TRDN: variants seen among roughly 807,000 people sequenced by gnomAD.
The protein encoded by TRDN is triadin, also known as triadin in skeletal muscle.
In TRDN, 161 loss-of-function variants were observed where a neutral mutation model predicts 149.7. That is an observed-to-expected ratio of 1.08 (90% CI 0.95 to 1.23). TRDN has a LOEUF of 1.23. Ranked by LOEUF, TRDN falls within the 50% of genes most tolerant of loss-of-function variation. The pLI, the probability that TRDN is intolerant of heterozygous loss-of-function variation, is 0.00. For missense variants in TRDN, 896 were observed against 823.5 expected (o/e 1.09, Z -1.08); for synonymous variants, 294 against 250.5 (o/e 1.17, Z -1.64).
chr6:123,232,847 T>C (rs59428938), intron 38 of TRDN, among the ~76,000 whole-genome samples: 8,070 of 152,114 alleles, frequency 0.053, 636 homozygotes, highest in African/African-American at 0.18. Flanking sequence ...TCCAGTCTGC[T>C]CTATATGCTC....
chr6:123,327,964 A>G (rs2114720349), intron 23 of TRDN, among the ~76,000 whole-genome samples: 1 of 152,324 alleles, frequency 6.6e-6, no homozygotes, highest in African/African-American at 2.4e-5. Context: ...ATTCATGCAC[A>G]TTGATTTTTG....
chr6:123,566,155 T>G (rs1302896964), intron 2 of TRDN, among the ~76,000 whole-genome samples: 1 of 152,192 alleles, frequency 6.6e-6, no homozygotes, highest in African/African-American at 2.4e-5. Flanking sequence ...AAGTAAGAAG[T>G]GTGGTGTAGG....
At chr6:123,423,324 C>A (rs189321993) in intron 12 of TRDN, among the ~76,000 whole-genome samples, 5 of 152,088 alleles carry the variant, frequency 3.3e-5, no homozygotes, top group Non-Finnish European at 7.4e-5. Context: ...CAAGTAAATG[C>A]TGAATTGACA....
rs1403481175 is a variant in TRDN, at chr6:123,308,423, C to T, written c.1510+8034G>A. 3.3e-5 allele frequency among the ~76,000 whole-genome samples: 5 copies of T among 150,438 alleles called. No homozygotes were observed. In the East Asian group the frequency reaches 9.8e-4, roughly 29 times the overall value. Reference sequence around the variant, plus strand: ...TTGAATGGTAGTTCTGTTTCAAGTTCTTTCAGAAATTTCTAAACTAGTTTC... The same window carrying T: ...TTGAATGGTAGTTCTGTTTCAAGTTTTTTCAGAAATTTCTAAACTAGTTTC... On this transcript the variant is annotated intron_variant, in intron 24 of 40. Coordinates refer to ENST00000334268, the MANE Select transcript of TRDN (RefSeq NM_006073.4).
intron 10 of TRDN, among the ~76,000 whole-genome samples, chr6:123,452,035 C>A (rs995169599): frequency 6.6e-6 from 1 of 152,022 alleles, no homozygotes; most frequent in African/African-American, 2.4e-5. Context: ...AAGCATGAGA[C>A]AAAATCCAGC....
intron 20 of TRDN, among the ~76,000 whole-genome samples, chr6:123,361,239 T>C (rs1189390720): frequency 4.6e-5 from 7 of 152,128 alleles, no homozygotes; most frequent in African/African-American, 1.7e-4. Context: ...TGCAGGGACA[T>C]GGATGAAAGT....
chr6:123,313,342 G>A (rs780815211), intron 24 of TRDN, among the ~76,000 whole-genome samples: 1 of 151,946 alleles, frequency 6.6e-6, no homozygotes, highest in Non-Finnish European at 1.5e-5. Context: ...AGGTGATATA[G>A]TCATTTTAAG....
intron 12 of TRDN, among the ~76,000 whole-genome samples, chr6:123,429,988 G>A (rs1036349654): frequency 1.3e-5 from 2 of 152,094 alleles, no homozygotes; most frequent in Non-Finnish European, 2.9e-5. Context: ...GATAATACAA[G>A]GCTGGGTGCA....
intron 24 of TRDN, among the ~76,000 whole-genome samples, chr6:123,282,421 C>G (rs977433702): frequency 6.6e-6 from 1 of 151,878 alleles, no homozygotes; most frequent in Non-Finnish European, 1.5e-5. Context: ...AATAATCTTT[C>G]TGATCCACAT....
chr6:123,508,364 A>G (rs1779023253), intron 7 of TRDN, among the ~76,000 whole-genome samples: 1 of 152,152 alleles, frequency 6.6e-6, no homozygotes, highest in African/African-American at 2.4e-5. Flanking sequence ...TGATACAAAA[A>G]CTGTATTTTA....
chr6:123,609,736 AGCCTATGGGCT>A (rs1439150763), intron 1 of TRDN, among the ~76,000 whole-genome samples: 4 of 152,162 alleles, frequency 2.6e-5, no homozygotes, highest in African/African-American at 9.6e-5. Flanking sequence ...TTTTGTCCCT[AGCCTATGGGCT>A]GGTATCCTAC....
intron 2 of TRDN, among the ~76,000 whole-genome samples, chr6:123,564,316 A>G (rs1255319212): frequency 6.6e-6 from 1 of 152,224 alleles, no homozygotes; most frequent in African/African-American, 2.4e-5. Flanking sequence ...TTGAAAACTC[A>G]GTACACATGA....
In TRDN at chr6:123,412,222, C is replaced by CA. The variant is rs1773471835; in HGVS notation, c.1052-18546_1052-18545insT. 2.0e-5 allele frequency among the ~76,000 whole-genome samples: 3 copies of CA among 152,266 alleles called. No individual in the cohort carries two copies. In the South Asian group the frequency reaches 6.2e-4, roughly 32 times the overall value. ...CCTTAACTAAAACCACAATTTACTT[C>CA]CCAAGTCTATATTATTGGAAAACAA... is the stretch of plus-strand genomic sequence containing the variant. On this transcript the variant is annotated intron_variant, in intron 12 of 40. Coordinates refer to ENST00000334268, the MANE Select transcript of TRDN (RefSeq NM_006073.4).
intron 24 of TRDN, among the ~76,000 whole-genome samples, chr6:123,287,886 G>GAC (rs1292636669): frequency 4.6e-5 from 7 of 151,846 alleles, no homozygotes; most frequent in African/African-American, 1.7e-4. Flanking sequence ...TATAAGAGTA[G>GAC]ACACACACAC....
Position 123,221,510 on chromosome 6 carries a change from TC to T in TRDN, c.2026del (p.Asp676MetfsTer68). On this transcript the variant is annotated frameshift_variant, in exon 40 of 41. Transcript: ENST00000334268. LOFTEE classifies it high-confidence loss of function. ...ASKKAKEGTE[D>X]VSPTKQKSPI... ...ACTTTTCTGCTTTGTGGGAGACACATCTTCAGTTCCTTCTAGTGGATAAAAA... is the reference window on the plus strand; with the variant it reads ...ACTTTTCTGCTTTGTGGGAGACACATTTCAGTTCCTTCTAGTGGATAAAAA... The T allele has an allele frequency of 6.4e-7, 1 of 1,570,830 alleles. No individual in the cohort carries two copies. Among genetic ancestry groups the T allele is most frequent in the South Asian group, 1.1e-5 (1 of 88,334 alleles).
At chr6:123,590,597 T>C (rs189149903) in intron 1 of TRDN, among the ~76,000 whole-genome samples, 2 of 152,086 alleles carry the variant, frequency 1.3e-5, no homozygotes, top group Non-Finnish European at 2.9e-5. Flanking sequence ...ACCCCGTCTC[T>C]ACTAAAAATA....
At chr6:123,517,087 T>A (rs1352708103) in intron 5 of TRDN, among the ~76,000 whole-genome samples, 1 of 152,158 alleles carries the variant, frequency 6.6e-6, no homozygotes, top group Non-Finnish European at 1.5e-5. Context: ...GACTAGTGGA[T>A]GCTAAGCAAA....
chr6:123,540,480 CTATT>C (rs1780772214), intron 4 of TRDN, among the ~76,000 whole-genome samples: 1 of 151,946 alleles, frequency 6.6e-6, no homozygotes, highest in African/African-American at 2.4e-5. Flanking sequence ...GAAGCCAACT[CTATT>C]TATGCCTTTT....
At chr6:123,372,883 G>A (rs149720976) in intron 19 of TRDN, among the ~76,000 whole-genome samples, 75 of 152,192 alleles carry the variant, frequency 4.9e-4, no homozygotes, top group African/African-American at 1.7e-3. Context: ...GGTAGGGGAG[G>A]TGGGTGTGTT....
Sources: gnomAD v4.1 joint callset for allele counts (sites outside exome capture counted in the v4.1 genomes callset) on GRCh38, gnomAD v4.1.1 for gene constraint, MANE v1.5 for transcripts, NCBI Gene and HGNC (gene_info 2026-07-23, HGNC 2026-07-21) for gene names.